Variants in WWOX observed in about 807,000 individuals in gnomAD.
WWOX encodes WW domain-containing oxidoreductase.
WWOX carries 69 observed loss-of-function variants against 46.2 expected under a neutral mutation model. The observed-to-expected ratio is 1.49, with a 90% CI of 1.23 to 1.82. The LOEUF is 1.82. Ranked by LOEUF, WWOX falls within the 40% of genes most tolerant of loss-of-function variation. The probability of loss-of-function intolerance (pLI) is 0.00; values close to 1 mark genes in which losing one functional copy is unlikely to be tolerated. For synonymous variants in WWOX, 359 were observed against 202.6 expected (o/e 1.77, Z -6.56); for missense variants, 919 against 542.6 (o/e 1.69, Z -6.89).
At chr16:78,514,258 C>T (rs189277413) in intron 8 of WWOX, among the ~76,000 whole-genome samples, 1 of 152,152 alleles carries the variant, frequency 6.6e-6, no homozygotes, top group Non-Finnish European at 1.5e-5. Context: ...TGCTTTGACT[C>T]CCTCCTTTAG....
At chr16:78,112,631 T>G (rs1393874797) in intron 3 of WWOX, among the ~76,000 whole-genome samples, 5 of 152,108 alleles carry the variant, frequency 3.3e-5, no homozygotes, top group African/African-American at 9.6e-5. Context: ...CTCAACTAAT[T>G]AAGGGTATCA....
chr16:78,484,151 C>G (rs1261001121), intron 8 of WWOX, among the ~76,000 whole-genome samples: 2 of 152,164 alleles, frequency 1.3e-5, no homozygotes, highest in African/African-American at 4.8e-5. Flanking sequence ...TTTGTATAAA[C>G]ATATGAATTT....
At chr16:78,442,987 G>T (rs2151398322) in intron 8 of WWOX, among the ~76,000 whole-genome samples, 1 of 152,042 alleles carries the variant, frequency 6.6e-6, no homozygotes, top group Middle Eastern at 3.4e-3. Flanking sequence ...GCCAGGCGTG[G>T]TGGTGGGGCG....
intron 8 of WWOX, among the ~76,000 whole-genome samples, chr16:79,046,570 G>C (rs1394381352): frequency 6.6e-6 from 1 of 152,108 alleles, no homozygotes; most frequent in Non-Finnish European, 1.5e-5. Context: ...GAGGGTGAGA[G>C]AGCTCACCGG....
chr16:78,485,216 G>C (rs1265236166), intron 8 of WWOX, among the ~76,000 whole-genome samples: 2 of 152,064 alleles, frequency 1.3e-5, no homozygotes. Flanking sequence ...GAAGTGTAGA[G>C]TTTCATATAC....
chr16:79,015,244 C>T (rs991902320), intron 8 of WWOX, among the ~76,000 whole-genome samples: 1 of 152,074 alleles, frequency 6.6e-6, no homozygotes, highest in Non-Finnish European at 1.5e-5. Flanking sequence ...TTTCCTGGGC[C>T]TAGCTAAGGG....
intron 8 of WWOX, among the ~76,000 whole-genome samples, chr16:79,178,361 G>T (rs774622568): frequency 5.3e-5 from 8 of 152,140 alleles, no homozygotes; most frequent in Non-Finnish European, 1.0e-4. Flanking sequence ...GTGTCACCCA[G>T]GCTGGAGTGC....
chr16:78,768,946 G>C (rs923973783), intron 8 of WWOX, among the ~76,000 whole-genome samples: 1 of 152,092 alleles, frequency 6.6e-6, no homozygotes, highest in South Asian at 2.1e-4. Flanking sequence ...TTTCCATTCT[G>C]TTTTGAGCAT....
At chr16:78,866,801 G>A (rs1338882946) in intron 8 of WWOX, among the ~76,000 whole-genome samples, 1 of 152,204 alleles carries the variant, frequency 6.6e-6, no homozygotes, top group Non-Finnish European at 1.5e-5. Context: ...TCTTGAGCTA[G>A]GACCATATCC....
chr16:78,950,730 A>G (rs569890340), intron 8 of WWOX, among the ~76,000 whole-genome samples: 26 of 152,290 alleles, frequency 1.7e-4, no homozygotes, highest in African/African-American at 6.0e-4. Flanking sequence ...ACTCACGGTG[A>G]TAAAATTGGG....
chr16:78,680,111 A>T (rs547618267), intron 8 of WWOX, among the ~76,000 whole-genome samples: 423 of 152,338 alleles, frequency 2.8e-3, no homozygotes, highest in African/African-American at 9.6e-3. Context: ...TGAAGTTTAA[A>T]TAAGAAAAGG....
chr16:78,122,478 A>T (rs568390822), intron 4 of WWOX, among the ~76,000 whole-genome samples: 1 of 152,244 alleles, frequency 6.6e-6, no homozygotes, highest in Non-Finnish European at 1.5e-5. Context: ...GTTTTGTAGC[A>T]TTACGTAAAG....
At chr16:78,652,176 C>G (rs2046980086) in intron 8 of WWOX, among the ~76,000 whole-genome samples, 1 of 151,834 alleles carries the variant, frequency 6.6e-6, no homozygotes, top group South Asian at 2.1e-4. Context: ...CTTTGGGAGG[C>G]TGAGGTGGGC....
intron 8 of WWOX, among the ~76,000 whole-genome samples, chr16:79,125,196 C>G (rs2049725302): frequency 6.6e-6 from 1 of 152,070 alleles, no homozygotes; most frequent in East Asian, 1.9e-4. Context: ...TTAAAATGTC[C>G]TTATAGATGT....
intron 8 of WWOX, among the ~76,000 whole-genome samples, chr16:79,028,208 C>T (rs1193021108): frequency 2.0e-5 from 3 of 151,804 alleles, no homozygotes; most frequent in African/African-American, 4.9e-5. Flanking sequence ...CTTGGCCTCC[C>T]AAAGTGCTGG....
chr16:78,882,096 A>G (rs553848981), intron 8 of WWOX, among the ~76,000 whole-genome samples: 1 of 152,350 alleles, frequency 6.6e-6, no homozygotes, highest in Non-Finnish European at 1.5e-5. Context: ...ACTACATTCC[A>G]GCCTGGGTGA....
intron 4 of WWOX, among the ~76,000 whole-genome samples, chr16:78,128,628 G>A (rs936258793): frequency 7.2e-5 from 11 of 152,152 alleles, no homozygotes; most frequent in African/African-American, 2.7e-4. Flanking sequence ...AGAATTGCTG[G>A]CCACATCTTG....
rs190800770 is a variant in WWOX at position 78,837,811 on chromosome 16, A to T, written c.1057-373797A>T. Among the ~76,000 whole-genome samples, 102 of 152,304 alleles carry T rather than the reference A, an allele frequency of 6.7e-4. 2 individuals are homozygous for T. In the Middle Eastern group the frequency reaches 0.014, roughly 20 times the overall value. Reference sequence around the variant, plus strand: ...TTGGGCATGGTGTTAGGAGTCTTATATTTATTATTTTACTTAATTTTCATA... The same window carrying T: ...TTGGGCATGGTGTTAGGAGTCTTATTTTTATTATTTTACTTAATTTTCATA... On this transcript the variant is annotated intron_variant, in intron 8 of 8. Coordinates refer to ENST00000566780, the MANE Select transcript of WWOX (RefSeq NM_016373.4).
At chr16:79,192,223 G>A (rs527873509) in intron 8 of WWOX, among the ~76,000 whole-genome samples, 1 of 152,212 alleles carries the variant, frequency 6.6e-6, no homozygotes, top group Non-Finnish European at 1.5e-5. Context: ...TAAGCACTGT[G>A]AGTCATTTCC....
Sources: allele counts gnomAD v4.1 joint callset (sites outside exome capture counted in the v4.1 genomes callset), GRCh38; gene constraint gnomAD v4.1.1; transcripts MANE v1.5; gene names NCBI Gene and HGNC (gene_info 2026-07-23, HGNC 2026-07-21).